The following TBRG4 variants were observed in gnomAD, a reference collection of about 807,000 sequenced individuals.
TBRG4 encodes the protein FAST kinase domain-containing protein 4.
In TBRG4, 43 loss-of-function variants were observed where a neutral mutation model predicts 65.6. The observed-to-expected ratio is 0.66, with a 90% CI of 0.51 to 0.85. The LOEUF (loss-of-function observed/expected upper bound fraction) is 0.85. Ranked by LOEUF, TBRG4 falls within the 40% of genes least tolerant of loss-of-function variation. The probability of loss-of-function intolerance (pLI) is 0.00; values close to 1 mark genes in which losing one functional copy is unlikely to be tolerated. For missense variants in TBRG4, 709 were observed against 787.9 expected, an observed-to-expected ratio of 0.90 and a Z score of 1.20; for synonymous variants, 366 against 341.4, an observed-to-expected ratio of 1.07 and a Z score of -0.79.
intron 2 of TBRG4, 95 bp downstream of exon 2, chr7:45,108,732 C>T: frequency 4.0e-6 from 4 of 998,046 alleles, no homozygotes; most frequent in Non-Finnish European, 5.6e-6. Context: ...TGCAAGGCCC[C>T]TGTCTATGCT....
chr7:45,105,390 C>A (rs1584030683), intron 3 of TBRG4, 51 bp downstream of exon 3: 7 of 1,544,966 alleles, frequency 4.5e-6, no homozygotes, highest in East Asian at 4.5e-5. Context: ...AAGAACAAGC[C>A]CAAAGCCCAG....
At chr7:45,103,671 C>T (rs183630349) in intron 5 of TBRG4, 1 of 563,722 alleles carries the variant, frequency 1.8e-6, no homozygotes, top group African/African-American at 1.9e-5. Flanking sequence ...CTAGAAGCTG[C>T]TTCTTTCTGA....
chr7:45,101,460 C>T (rs1336993965), intron 9 of TBRG4, 43 bp downstream of exon 9: 4 of 1,601,536 alleles, frequency 2.5e-6, no homozygotes, highest in South Asian at 1.1e-5. Flanking sequence ...TGCAGTCCAA[C>T]AGCCATGGTG....
chr7:45,102,705 C>T (rs1784808332), intron 6 of TBRG4: 3 of 609,692 alleles, frequency 4.9e-6, no homozygotes, highest in Non-Finnish European at 8.5e-6. Flanking sequence ...GCCCCAAGAC[C>T]ACTCTGAACA....
At chr7:45,106,943 T>C (rs1004852002) in intron 2 of TBRG4, 2 of 152,196 alleles carry the variant, frequency 1.3e-5, no homozygotes, top group African/African-American at 4.8e-5. Flanking sequence ...GTCCCTGCAG[T>C]GCGTTAGGCA....
At chr7:45,104,024 C>T in intron 5 of TBRG4, 75 bp downstream of exon 5, 1 of 1,465,954 alleles carries the variant, frequency 6.8e-7, no homozygotes, top group Non-Finnish European at 9.0e-7. Context: ...GCTTTACTTT[C>T]CCGACTAAGG....
Position 45,105,633 on chromosome 7 carries a change from G to C in TBRG4, c.543C>G (p.Tyr181Ter). The change falls in exon 3 of 11, where the codon TAC becomes TAG. Residue 181 changes from tyrosine (Y) to a stop codon, truncating the protein, a stop_gained. Coordinates refer to ENST00000258770, the MANE Select transcript of TBRG4 (RefSeq NM_004749.4). LOFTEE classifies it high-confidence loss of function. Reference protein sequence around the residue: ...EVRWRMRKLKYKHLAFLAESC... With the variant: ...EVRWRMRKLK ...ACTCTGCCAGGAAGGCCAGGTGCTT[G>C]TACTTGAGCTTCCGCATGCGCCAGC... is the stretch of plus-strand genomic sequence containing the variant. 6.2e-7 allele frequency: 1 copy of C among 1,614,124 alleles called. No homozygotes were observed. The highest frequency in any genetic ancestry group is 8.5e-7 in the Non-Finnish European group (1 of 1,180,048).
At chr7:45,109,400 C>A in intron 1 of TBRG4, 113 bp from the exon 2 acceptor site, 1 of 906,612 alleles carries the variant, frequency 1.1e-6, no homozygotes, top group African/African-American at 1.7e-5. Flanking sequence ...CTAAGTCTTT[C>A]TTGACAATCC....
intron 3 of TBRG4, chr7:45,105,003 C>T (rs562438606): frequency 1.9e-5 from 14 of 738,380 alleles, no homozygotes; most frequent in African/African-American, 5.1e-5. Flanking sequence ...GGCCAGCCCC[C>T]GCTATGACAG....
intron 2 of TBRG4, chr7:45,106,575 A>G (rs1191272025): frequency 6.5e-6 from 1 of 153,258 alleles, no homozygotes; most frequent in Non-Finnish European, 1.5e-5. Context: ...CAGGAGTTCG[A>G]GACTAGCCTG....
chr7:45,104,501 G>T (rs201920015), intron 4 of TBRG4, 37 bp downstream of exon 4: 1 of 1,613,416 alleles, frequency 6.2e-7, no homozygotes, highest in Admixed American at 1.7e-5. Context: ...CAGGGCCAGC[G>T]CTCCCCTCTC....
At position 45,100,198 on chromosome 7, in the gene TBRG4, T is replaced by C. The variant is rs1466037967; in HGVS notation, c.*127A>G. The C allele has an allele frequency of 7.3e-6, 5 of 681,258 alleles. No homozygotes were observed. The highest frequency in any genetic ancestry group is 1.2e-5 in the Non-Finnish European group (5 of 407,014). The allele number at this position is 681,258 out of a possible 1,614,324, so 42.2% of individuals were successfully genotyped here. A position where few individuals can be genotyped will look rare whatever the true frequency, so the allele number is the denominator to read the frequency against. ...CAAGAGGACGTTCTGTCCCTCAGAG[T>C]GGCTGGCCACCCTCCCCACTCTGGC... On this transcript the variant is annotated 3_prime_UTR_variant, in exon 11 of 11. Transcript: ENST00000258770.
chr7:45,107,236 T>A (rs1014476746), intron 2 of TBRG4: 1 of 152,200 alleles, frequency 6.6e-6, no homozygotes, highest in African/African-American at 2.4e-5. Context: ...CAACATCCTA[T>A]GAGAACCATC....
Position 45,104,859 on chromosome 7 carries a change from G to A in TBRG4, c.736-150C>T, listed in dbSNP as rs753304099. The A allele has an allele frequency of 1.3e-5, 16 of 1,241,666 alleles. No individual in the cohort carries two copies. In the East Asian group the frequency reaches 3.5e-4, roughly 27 times the overall value. 76.9% of individuals were successfully genotyped at this position (1,241,666 alleles called of 1,614,324 possible). A position where few individuals can be genotyped will look rare whatever the true frequency, so the allele number is the denominator to read the frequency against. On this transcript the variant is annotated intron_variant, in intron 3 of 10. Coordinates refer to ENST00000258770, the MANE Select transcript of TBRG4 (RefSeq NM_004749.4). The stretch of plus-strand genomic sequence containing the variant: ...AGCTGACTAAACACAGGACCACTGT[G>A]CAGGGCCTGCCTCCTCATCCACCCC...
chr7:45,105,298 A>T (rs1263616637), intron 3 of TBRG4, 143 bp downstream of exon 3: 1 of 925,936 alleles, frequency 1.1e-6, no homozygotes, highest in Non-Finnish European at 1.6e-6. Flanking sequence ...GCCCCATGTG[A>T]TGCCTGAGGC....
intron 5 of TBRG4, chr7:45,103,848 C>T (rs1784847137): frequency 1.7e-6 from 1 of 577,520 alleles, no homozygotes; most frequent in African/African-American, 1.9e-5. Flanking sequence ...ATGCTGCTAC[C>T]TGCTACAGCT....
chr7:45,104,755 G>T, intron 3 of TBRG4, 46 bp from the exon 4 acceptor site: 1 of 1,598,496 alleles, frequency 6.3e-7, no homozygotes, highest in Non-Finnish European at 8.5e-7. Flanking sequence ...GCCTGGGGTG[G>T]CAGAGATGAG....
At chr7:45,103,131 A>T in intron 6 of TBRG4, 3 of 595,772 alleles carry the variant, frequency 5.0e-6, no homozygotes, top group Non-Finnish European at 9.1e-6. Context: ...CTGGCAGGGC[A>T]GTCAACCAGA....
chr7:45,101,112 A>G (rs1725967151), intron 10 of TBRG4, 146 bp downstream of exon 10: 1 of 688,358 alleles, frequency 1.5e-6, no homozygotes, highest in Non-Finnish European at 2.4e-6. Flanking sequence ...TCCACAGTAA[A>G]CTCCCTCCCT....
Sources: gnomAD v4.1 joint callset for allele counts on GRCh38, gnomAD v4.1.1 for gene constraint, MANE v1.5 for transcripts, NCBI Gene and HGNC (gene_info 2026-07-23, HGNC 2026-07-21) for gene names.